KLHL1: variants seen among roughly 807,000 people sequenced by gnomAD.
KLHL1 encodes kelch-like protein 1.
Under a neutral mutation model 77.7 loss-of-function variants are expected in KLHL1, and 47 were observed. That is an observed-to-expected ratio of 0.60 (90% CI 0.48 to 0.77). The LOEUF is 0.77. Ranked by LOEUF, KLHL1 falls within the 30% of genes least tolerant of loss-of-function variation. The pLI is 0.00. For missense variants in KLHL1, 925 were observed against 910.8 expected (o/e 1.02, Z -0.20); for synonymous variants, 360 against 325.2 (o/e 1.11, Z -1.15).
At chr13:69,782,672 C>G (rs903498559) in intron 7 of KLHL1, among the ~76,000 whole-genome samples, 4 of 152,206 alleles carry the variant, frequency 2.6e-5, no homozygotes, top group Non-Finnish European at 4.4e-5. Flanking sequence ...GAAGCTCAAA[C>G]TGGGTGGAGC....
intron 4 of KLHL1, among the ~76,000 whole-genome samples, chr13:69,917,470 C>T (rs1882484946): frequency 6.6e-6 from 1 of 152,082 alleles, no homozygotes; most frequent in African/African-American, 2.4e-5. Context: ...CCAGTGAGCA[C>T]ATTAAGTAAT....
intron 4 of KLHL1, among the ~76,000 whole-genome samples, chr13:69,911,268 T>C (rs576562647): frequency 6.6e-6 from 1 of 152,220 alleles, no homozygotes; most frequent in African/African-American, 2.4e-5. Flanking sequence ...TTTTAGTATG[T>C]CTAGTTAAAC....
chr13:69,980,632 T>C (rs1428971190), intron 1 of KLHL1, among the ~76,000 whole-genome samples: 3 of 152,196 alleles, frequency 2.0e-5, no homozygotes, highest in Non-Finnish European at 4.4e-5. Flanking sequence ...ACAGTTTAAA[T>C]ATCGCTACCT....
At chr13:69,886,172 C>A (rs1004009148) in intron 4 of KLHL1, among the ~76,000 whole-genome samples, 8 of 152,102 alleles carry the variant, frequency 5.3e-5, no homozygotes, top group African/African-American at 1.9e-4. Flanking sequence ...TACATACACA[C>A]ATTTTCTACA....
intron 2 of KLHL1, among the ~76,000 whole-genome samples, chr13:69,961,762 C>T (rs1005418995): frequency 2.6e-5 from 4 of 151,896 alleles, no homozygotes; most frequent in African/African-American, 9.7e-5. Context: ...GCTAACTTTC[C>T]CCCCTAAACT....
intron 1 of KLHL1, among the ~76,000 whole-genome samples, chr13:70,034,808 A>G (rs975808621): frequency 6.6e-6 from 1 of 152,146 alleles, no homozygotes; most frequent in African/African-American, 2.4e-5. Flanking sequence ...TGAGATTAAT[A>G]TATTTTATAT....
At chr13:70,084,129 T>C (rs1887460764) in intron 1 of KLHL1, among the ~76,000 whole-genome samples, 1 of 152,182 alleles carries the variant, frequency 6.6e-6, no homozygotes, top group Non-Finnish European at 1.5e-5. Context: ...TGCAACATTG[T>C]ATGGCACTTC....
chr13:70,042,992 G>A (rs1251241497), intron 1 of KLHL1, among the ~76,000 whole-genome samples: 1 of 152,048 alleles, frequency 6.6e-6, no homozygotes, highest in Admixed American at 6.6e-5. Context: ...TGCAACCTCC[G>A]CCTCCCAGAT....
chr13:69,708,797 A>T (rs575579406), intron 9 of KLHL1, among the ~76,000 whole-genome samples: 1 of 152,128 alleles, frequency 6.6e-6, no homozygotes, highest in South Asian at 2.1e-4. Context: ...GGGTGGTAAG[A>T]ACCCAGAAGA....
intron 2 of KLHL1, among the ~76,000 whole-genome samples, chr13:69,964,664 T>A (rs1299217763): frequency 1.3e-5 from 2 of 152,162 alleles, no homozygotes; most frequent in Non-Finnish European, 2.9e-5. Context: ...TCAATCTTAA[T>A]TCATTTTACA....
chr13:69,964,771 C>T (rs9542135), intron 2 of KLHL1, among the ~76,000 whole-genome samples: 59,445 of 151,888 alleles, frequency 0.39, 12,269 homozygotes, highest in Non-Finnish European at 0.47. Flanking sequence ...TCATTGTTAT[C>T]TATCTTCTCC....
chr13:69,914,030 C>A (rs1882331948), intron 4 of KLHL1, among the ~76,000 whole-genome samples: 1 of 152,148 alleles, frequency 6.6e-6, no homozygotes, highest in Non-Finnish European at 1.5e-5. Flanking sequence ...GTTTAGTCTT[C>A]TGGCCTACAT....
intron 1 of KLHL1, among the ~76,000 whole-genome samples, chr13:70,103,573 GA>G (rs1887975728): frequency 6.6e-6 from 1 of 152,138 alleles, no homozygotes; most frequent in South Asian, 2.1e-4. Context: ...AGAGTTGAAA[GA>G]AGATCGTAGC....
At chr13:69,904,802 G>A (rs983147829) in intron 4 of KLHL1, among the ~76,000 whole-genome samples, 2 of 152,106 alleles carry the variant, frequency 1.3e-5, no homozygotes, top group African/African-American at 4.8e-5. Flanking sequence ...ATAAAATGCT[G>A]CTGAACTATA....
At chr13:70,041,885 C>T (rs922789785) in intron 1 of KLHL1, among the ~76,000 whole-genome samples, 6 of 152,048 alleles carry the variant, frequency 3.9e-5, no homozygotes, top group Non-Finnish European at 8.8e-5. Context: ...GTTGGATGGA[C>T]GTCTTGGCTC....
intron 3 of KLHL1, among the ~76,000 whole-genome samples, chr13:69,955,255 C>T (rs1345910540): frequency 6.6e-6 from 1 of 151,342 alleles, no homozygotes; most frequent in Non-Finnish European, 1.5e-5. Context: ...TAAAGCAGGA[C>T]ATTAAACATC....
rs138473326 is a variant in KLHL1 at position 69,741,016 on chromosome 13, GT to G, written c.1640-461del. On this transcript the variant is annotated intron_variant, in intron 7 of 10. Coordinates refer to ENST00000377844, the MANE Select transcript of KLHL1 (RefSeq NM_020866.3). ...AAAATACTTTGTTACTTACAACAAT[GT>G]TACCTTAAAGCAATGTAATATTACC... Among the ~76,000 whole-genome samples, 957 of 152,194 alleles carry G rather than the reference GT, an allele frequency of 6.3e-3. 7 individuals are homozygous for G. The highest frequency in any genetic ancestry group is 0.022 in the African/African-American group (901 of 41,528).
At chr13:69,956,687 G>T (rs1039555325) in intron 3 of KLHL1, among the ~76,000 whole-genome samples, 1 of 151,406 alleles carries the variant, frequency 6.6e-6, no homozygotes, top group African/African-American at 2.4e-5. Context: ...ATCATTTCAA[G>T]GTTACTTTTA....
intron 3 of KLHL1, among the ~76,000 whole-genome samples, chr13:69,956,812 A>G (rs1883903145): frequency 6.6e-6 from 1 of 151,694 alleles, no homozygotes; most frequent in Non-Finnish European, 1.5e-5. Flanking sequence ...AGATTTTACA[A>G]ATGCTTATTT....
Sources: gnomAD v4.1 joint callset for allele counts (sites outside exome capture counted in the v4.1 genomes callset) on GRCh38, gnomAD v4.1.1 for gene constraint, MANE v1.5 for transcripts, NCBI Gene and HGNC (gene_info 2026-07-23, HGNC 2026-07-21) for gene names.